The following DDX3X variants were observed in gnomAD, a reference collection of about 807,000 sequenced individuals.
DDX3X encodes the protein ATP-dependent RNA helicase DDX3X.
In DDX3X, 4 loss-of-function variants were observed where a neutral mutation model predicts 52.7. The ratio of observed to expected loss-of-function variants is 0.08; its 90% CI spans 0.04 to 0.17. DDX3X has a LOEUF of 0.17. Among genes scored for constraint, DDX3X ranks in the 10% least tolerant of loss-of-function variants. The pLI, the probability that DDX3X is intolerant of heterozygous loss-of-function variation, is 1.00. For synonymous variants in DDX3X, 192 were observed against 178.1 expected, an observed-to-expected ratio of 1.08 and a Z score of -0.62; for missense variants, 222 against 548.6, an observed-to-expected ratio of 0.40 and a Z score of 5.95.
chrX:41,359,676 A>G (rs2064021517), intron 5 of DDX3X, among the ~76,000 whole-genome samples: 1 of 104,594 alleles, frequency 9.6e-6, no homozygotes, highest in Admixed American at 1.1e-4. Context: ...CGTTAAAGCT[A>G]TTTTTAAAAA....
chrX:41,346,721 GAC>G, intron 14 of DDX3X, 99 bp downstream of exon 14: 1 of 948,222 alleles, frequency 1.1e-6, no homozygotes, highest in Non-Finnish European at 1.5e-6. Context: ...CAATGAAAGT[GAC>G]AAAGATTTTG....
At position 41,339,026 on chromosome X, in the gene DDX3X, A is replaced by AT. The variant is rs772419774; in HGVS notation, c.104-3dup. ...TTTAATTAATTTTATATATATATATATTTTTTTAGAAGGGCGCTATATTCC... is the reference window on the plus strand; with the variant it reads ...TTTAATTAATTTTATATATATATATATTTTTTTTAGAAGGGCGCTATATTCC... On this transcript the variant is annotated splice_polypyrimidine_tract_variant and intron_variant, in intron 2 of 16. Transcript: ENST00000644876. 6 of 895,594 alleles carry AT rather than the reference A, an allele frequency of 6.7e-6. No homozygotes were observed. Among genetic ancestry groups the AT allele is most frequent in the Middle Eastern group, 4.5e-4 (1 of 2,213 alleles). The allele number at this position is 895,594 out of a possible 1,213,427, so 73.8% of individuals were successfully genotyped here.
rs745437857 is a variant in DDX3X at position 41,349,900 on chromosome X, G to GTGT, written c.*2182_*2183insGTT. On this transcript the variant is annotated 3_prime_UTR_variant, in exon 17 of 17. Coordinates refer to ENST00000644876, the MANE Select transcript of DDX3X (RefSeq NM_001356.5). ...TTGTGTGGATTTTGTTTAGTTGTGTGTTTTTTTTTTTTTTTCAGTGAATGT... is the reference window on the plus strand; with the variant it reads ...TTGTGTGGATTTTGTTTAGTTGTGTGTGTTTTTTTTTTTTTTTTCAGTGAATGT... 1.0e-4 allele frequency: 9 copies of GTGT among 86,834 alleles called. No homozygotes were observed. Among genetic ancestry groups the GTGT allele is most frequent in the East Asian group, 3.5e-4 (1 of 2,854 alleles). The allele number at this position is 86,834 out of a possible 1,213,427, so 7.2% of individuals were successfully genotyped here. A position where few individuals can be genotyped will look rare whatever the true frequency, so the allele number is the denominator to read the frequency against.
chrX:41,360,528 T>C (rs2147373258), intron 5 of DDX3X, among the ~76,000 whole-genome samples: 1 of 106,654 alleles, frequency 9.4e-6, no homozygotes, highest in East Asian at 3.1e-4. Flanking sequence ...CCGCAACCTT[T>C]GTCTCCCAGG....
intron 5 of DDX3X, among the ~76,000 whole-genome samples, chrX:41,358,372 G>A (rs1325364553): frequency 2.7e-5 from 3 of 110,762 alleles, no homozygotes; most frequent in Admixed American, 9.7e-5. Context: ...CACCGTGCCT[G>A]GTCGACGCTT....
At chrX:41,334,328 G>C in intron 1 of DDX3X, 31 bp downstream of exon 1, 2 of 1,206,100 alleles carry the variant, frequency 1.7e-6, no homozygotes, top group Non-Finnish European at 2.2e-6. Flanking sequence ...CGGGCTGGCT[G>C]CTGCGTGAAT....
Position 41,349,389 on chromosome X carries a change from G to A in DDX3X, c.*1670G>A, listed in dbSNP as rs1198019387. The A allele has an allele frequency of 8.9e-6, 1 of 111,884 alleles. No homozygotes were observed. The highest frequency in any genetic ancestry group is 1.9e-5 in the Non-Finnish European group (1 of 53,197). The allele number at this position is 111,884 out of a possible 1,213,427, so 9.2% of individuals were successfully genotyped here. The stretch of plus-strand genomic sequence containing the variant: ...TCTTGGAGATTGTTGAACGCAGCTT[G>A]TCTAGGAAGGGGATGGGACTAGATT... On this transcript the variant is annotated 3_prime_UTR_variant, in exon 17 of 17. Coordinates refer to ENST00000644876, the MANE Select transcript of DDX3X (RefSeq NM_001356.5).
chrX:41,357,833 G>A, intron 5 of DDX3X: 1 of 296,656 alleles, frequency 3.4e-6, no homozygotes, highest in Non-Finnish European at 5.9e-6. Flanking sequence ...TTCATCCTAG[G>A]ATCATGCTCC....
At chrX:41,357,459 T>C (rs2064013873) in intron 5 of DDX3X, among the ~76,000 whole-genome samples, 1 of 111,495 alleles carries the variant, frequency 9.0e-6, no homozygotes, top group Admixed American at 9.6e-5. Context: ...ATCTTTACTA[T>C]GTTGGGTCCA....
At chrX:41,337,605 T>A in intron 2 of DDX3X, 140 bp downstream of exon 2, 1 of 474,058 alleles carries the variant, frequency 2.1e-6, no homozygotes, top group Non-Finnish European at 3.5e-6. Flanking sequence ...GTTATAGAAT[T>A]ATGTAGTACT....
chrX:41,343,591 G>A, intron 7 of DDX3X, 146 bp from the exon 8 acceptor site: 1 of 560,231 alleles, frequency 1.8e-6, no homozygotes, highest in Non-Finnish European at 2.8e-6. Flanking sequence ...TCCTCTTAGA[G>A]GTGGAGCAGA....
Position 41,349,110 on chromosome X carries a change from A to G in DDX3X, c.*1391A>G, listed in dbSNP as rs1569242152. The G allele has an allele frequency of 3.6e-5, 4 of 112,355 alleles. No homozygotes were observed. The highest frequency in any genetic ancestry group is 2.9e-4 in the Admixed American group (3 of 10,446). 9.3% of individuals were successfully genotyped at this position (112,355 alleles called of 1,213,427 possible). On this transcript the variant is annotated 3_prime_UTR_variant, in exon 17 of 17. Coordinates refer to ENST00000644876, the MANE Select transcript of DDX3X (RefSeq NM_001356.5). Reference sequence around the variant, plus strand: ...ACGCTCCATCTTTTTACAGTGGCATAGGAAGACGGCAAAAATTTCCTAAAG... The same window carrying G: ...ACGCTCCATCTTTTTACAGTGGCATGGGAAGACGGCAAAAATTTCCTAAAG...
At chrX:41,356,415 G>A (rs754925176) in intron 5 of DDX3X, among the ~76,000 whole-genome samples, 2 of 107,287 alleles carry the variant, frequency 1.9e-5, no homozygotes, top group East Asian at 5.8e-4. Context: ...CCAAAGTGCT[G>A]GGGTTACAGG....
At chrX:41,340,567 T>C (rs2063836173) in intron 3 of DDX3X, 1 of 252,213 alleles carries the variant, frequency 4.0e-6, no homozygotes, top group Non-Finnish European at 7.1e-6. Context: ...ACCTGGATAT[T>C]TATAGCTGTA....
At chrX:41,347,539 T>G in intron 16 of DDX3X, 88 bp downstream of exon 16, 1 of 1,162,714 alleles carries the variant, frequency 8.6e-7, no homozygotes, top group Non-Finnish European at 1.2e-6. Context: ...CAATTTAAGT[T>G]CAGCACTATA....
Position 41,345,166 on chromosome X carries a change from T to C in DDX3X, c.1026-14T>C, listed in dbSNP as rs2063907440. ...ATTCTAAACTCAGGCTTGTTTTTTT[T>C]CATGACATGACAGATACTTGGTGTT... On this transcript the variant is annotated splice_polypyrimidine_tract_variant and intron_variant, in intron 10 of 16. Coordinates refer to ENST00000644876, the MANE Select transcript of DDX3X (RefSeq NM_001356.5). The C allele has an allele frequency of 8.3e-7, 1 of 1,203,999 alleles. No individual in the cohort carries two copies. The highest frequency in any genetic ancestry group is 1.1e-6 in the Non-Finnish European group (1 of 891,668).
intron 5 of DDX3X, among the ~76,000 whole-genome samples, chrX:41,363,452 A>G (rs1460718535): frequency 1.8e-5 from 2 of 109,369 alleles, no homozygotes; most frequent in East Asian, 2.9e-4. Context: ...TGATGATTCC[A>G]TGGTTCCTAT....
intron 5 of DDX3X, among the ~76,000 whole-genome samples, chrX:41,359,985 A>AAAT (rs1383269437): frequency 6.5e-5 from 7 of 107,950 alleles, no homozygotes; most frequent in South Asian, 4.0e-4. Context: ...CTGTCTCAAA[A>AAAT]AATAATAATA....
intron 5 of DDX3X, among the ~76,000 whole-genome samples, chrX:41,359,841 G>T (rs2064022231): frequency 9.2e-6 from 1 of 108,625 alleles, no homozygotes; most frequent in Admixed American, 1.0e-4. Context: ...AATTAGCCGG[G>T]CGCGGTGGCG....
Sources: allele counts gnomAD v4.1 joint callset (sites outside exome capture counted in the v4.1 genomes callset), GRCh38; gene constraint gnomAD v4.1.1; transcripts MANE v1.5; gene names NCBI Gene and HGNC (gene_info 2026-07-23, HGNC 2026-07-21).